DNAAF9: variants seen among roughly 807,000 people sequenced by gnomAD.
DNAAF9 encodes dynein axonemal assembly factor 9.
DNAAF9 carries 90 observed loss-of-function variants against 167.0 expected under a neutral mutation model. The ratio of observed to expected loss-of-function variants is 0.54; its 90% CI spans 0.45 to 0.64. DNAAF9 has a LOEUF of 0.64. DNAAF9 is among the 30% of genes least tolerant of loss of function. DNAAF9 has a pLI of 0.00. For synonymous variants in DNAAF9, 491 were observed against 508.8 expected (o/e 0.96, Z 0.47); for missense variants, 1,315 against 1,442.2 (o/e 0.91, Z 1.43).
At chr20:3,270,583 A>G (rs921987382) in intron 29 of DNAAF9, 21 bp from the exon 30 acceptor site, 25 of 1,610,756 alleles carry the variant, frequency 1.6e-5, no homozygotes, top group Admixed American at 1.2e-4. Context: ...AACCAAGGAC[A>G]GTTTAGCCTT....
chr20:3,387,884 T>TAAAAAAAGAAAAAAAA (rs2083770154), intron 1 of DNAAF9, among the ~76,000 whole-genome samples: 1 of 87,362 alleles, frequency 1.1e-5, no homozygotes, highest in Non-Finnish European at 2.1e-5. Flanking sequence ...CTACAAAAAG[T>TAAAAAAAGAAAAAAAA]AAAAAAAAAA....
intron 25 of DNAAF9, among the ~76,000 whole-genome samples, chr20:3,293,441 T>C (rs1417470752): frequency 6.6e-6 from 1 of 151,452 alleles, no homozygotes; most frequent in East Asian, 1.9e-4. Flanking sequence ...TCCCAGCACT[T>C]TGGGAGGCCG....
At chr20:3,386,652 C>G (rs188745223) in intron 1 of DNAAF9, among the ~76,000 whole-genome samples, 214 of 152,020 alleles carry the variant, frequency 1.4e-3, no homozygotes, top group African/African-American at 4.8e-3. Context: ...CTATGAAAGA[C>G]TCTGTTGAGA....
intron 1 of DNAAF9, among the ~76,000 whole-genome samples, chr20:3,387,884 TAAAAAAAAAAAAAAAAA>T (rs557861791): frequency 1.6e-4 from 14 of 87,362 alleles, no homozygotes; most frequent in East Asian, 4.3e-4. Flanking sequence ...CTACAAAAAG[TAAAAAAAAAAAAAAAAA>T]AAAAAAAAAA....
chr20:3,293,472 G>A (rs958402659), intron 25 of DNAAF9, among the ~76,000 whole-genome samples: 2 of 150,200 alleles, frequency 1.3e-5, no homozygotes, highest in Non-Finnish European at 3.0e-5. Flanking sequence ...ATCACCTGAG[G>A]TCAAGAGTTC....
intron 29 of DNAAF9, among the ~76,000 whole-genome samples, chr20:3,272,119 T>C (rs906457678): frequency 2.5e-4 from 38 of 152,266 alleles, no homozygotes; most frequent in African/African-American, 8.9e-4. Context: ...CAAAAATACT[T>C]CAACGTGAAT....
chr20:3,332,805 A>G (rs564232597), intron 10 of DNAAF9, among the ~76,000 whole-genome samples: 1 of 152,194 alleles, frequency 6.6e-6, no homozygotes, highest in Non-Finnish European at 1.5e-5. Flanking sequence ...ATTATTTTTT[A>G]AAGACACAGG....
intron 30 of DNAAF9, among the ~76,000 whole-genome samples, chr20:3,269,252 C>T (rs2068547999): frequency 1.3e-5 from 2 of 150,882 alleles, no homozygotes; most frequent in Non-Finnish European, 2.9e-5. Context: ...CTACTTCGCT[C>T]AGGCTGGAGT....
intron 8 of DNAAF9, among the ~76,000 whole-genome samples, chr20:3,347,124 G>C (rs1395027597): frequency 3.3e-5 from 5 of 150,972 alleles, no homozygotes; most frequent in Non-Finnish European, 5.9e-5. Flanking sequence ...TGCCAGAGGG[G>C]GAAAAAAAAA....
chr20:3,268,050 T>A (rs538547663), intron 30 of DNAAF9, among the ~76,000 whole-genome samples: 4 of 151,222 alleles, frequency 2.6e-5, no homozygotes, highest in Non-Finnish European at 3.0e-5. Flanking sequence ...AATTTTGAGA[T>A]GGAGTTTCAT....
chr20:3,366,945 A>G (rs1329654587), intron 6 of DNAAF9, among the ~76,000 whole-genome samples: 3 of 151,688 alleles, frequency 2.0e-5, no homozygotes, highest in Non-Finnish European at 2.9e-5. Context: ...AAAAAAAAAA[A>G]TTAAAAAAAT....
chr20:3,257,088 T>C (rs1460392397), intron 33 of DNAAF9, among the ~76,000 whole-genome samples: 2 of 151,840 alleles, frequency 1.3e-5, no homozygotes, highest in East Asian at 3.9e-4. Context: ...TGTTACATGC[T>C]AAGGAGATGA....
intron 6 of DNAAF9, among the ~76,000 whole-genome samples, chr20:3,363,401 T>C (rs113230749): frequency 3.3e-5 from 5 of 151,144 alleles, no homozygotes; most frequent in African/African-American, 9.7e-5. Flanking sequence ...GAGGCAGAGG[T>C]TGCGGTGAGC....
At chr20:3,355,602 C>T (rs2083274173) in intron 7 of DNAAF9, among the ~76,000 whole-genome samples, 1 of 151,482 alleles carries the variant, frequency 6.6e-6, no homozygotes, top group African/African-American at 2.4e-5. Flanking sequence ...TTAAATAGAA[C>T]AGATGTTCAA....
At chr20:3,393,303 A>C (rs950320577) in intron 1 of DNAAF9, among the ~76,000 whole-genome samples, 1 of 152,014 alleles carries the variant, frequency 6.6e-6, no homozygotes, top group Non-Finnish European at 1.5e-5. Context: ...TCTTGAGTTC[A>C]GGAGTTCGAG....
At chr20:3,258,864 T>C (rs1312420384) in intron 33 of DNAAF9, among the ~76,000 whole-genome samples, 2 of 152,170 alleles carry the variant, frequency 1.3e-5, no homozygotes, top group Non-Finnish European at 2.9e-5. Context: ...TTACGGTAAA[T>C]GCTTTTTGGT....
At chr20:3,380,094 C>A (rs2083627673) in intron 3 of DNAAF9, among the ~76,000 whole-genome samples, 1 of 152,118 alleles carries the variant, frequency 6.6e-6, no homozygotes, top group Non-Finnish European at 1.5e-5. Flanking sequence ...CAAAAAAGCA[C>A]ACCTTTAAGA....
At chr20:3,289,371 G>T (rs1270585639) in intron 26 of DNAAF9, among the ~76,000 whole-genome samples, 1 of 152,104 alleles carries the variant, frequency 6.6e-6, no homozygotes, top group African/African-American at 2.4e-5. Context: ...TTGAACCCAG[G>T]AGTTTGAGGT....
At chr20:3,289,516 C>G (rs2068912228) in intron 26 of DNAAF9, among the ~76,000 whole-genome samples, 1 of 152,026 alleles carries the variant, frequency 6.6e-6, no homozygotes, top group Non-Finnish European at 1.5e-5. Context: ...GCTTTATTTT[C>G]TGTTTTTTTG....
Sources: gnomAD v4.1 joint callset for allele counts (sites outside exome capture counted in the v4.1 genomes callset) on GRCh38, gnomAD v4.1.1 for gene constraint, MANE v1.5 for transcripts, NCBI Gene and HGNC (gene_info 2026-07-23, HGNC 2026-07-21) for gene names.